Variants in CSMD3 observed in about 807,000 individuals in gnomAD.
The protein encoded by CSMD3 is CUB and sushi domain-containing protein 3.
CSMD3 carries 177 observed loss-of-function variants against 435.2 expected under a neutral mutation model. The observed-to-expected ratio is 0.41, with a 90% confidence interval of 0.36 to 0.46. The LOEUF is 0.46. Ranked by LOEUF, CSMD3 falls within the 20% of genes least tolerant of loss-of-function variation. The pLI is 0.34. For missense variants in CSMD3, 4,265 were observed against 4,504.6 expected (o/e 0.95, Z 1.52); for synonymous variants, 1,656 against 1,520.5 (o/e 1.09, Z -2.07).
intron 7 of CSMD3, among the ~76,000 whole-genome samples, chr8:112,968,284 T>C (rs2084501021): frequency 6.6e-6 from 1 of 151,878 alleles, no homozygotes; most frequent in Non-Finnish European, 1.5e-5. Context: ...ATACATTAAT[T>C]AATATATAAT....
At chr8:113,089,986 A>G (rs2089946868) in intron 5 of CSMD3, among the ~76,000 whole-genome samples, 1 of 152,130 alleles carries the variant, frequency 6.6e-6, no homozygotes, top group Non-Finnish European at 1.5e-5. Context: ...TGTTGAACAG[A>G]AAATGAGTGT....
At chr8:112,447,306 A>T (rs1480877087) in intron 32 of CSMD3, among the ~76,000 whole-genome samples, 1 of 152,194 alleles carries the variant, frequency 6.6e-6, no homozygotes, top group Non-Finnish European at 1.5e-5. Flanking sequence ...CAGAATAAAT[A>T]AAATGAAACT....
intron 3 of CSMD3, among the ~76,000 whole-genome samples, chr8:113,236,549 C>CT (rs907306533): frequency 9.9e-5 from 15 of 151,320 alleles, no homozygotes; most frequent in African/African-American, 2.2e-4. Context: ...ATGTAACACC[C>CT]TTTTTTTTTC....
At chr8:113,020,169 C>CAAAAAA (rs1163891165) in intron 5 of CSMD3, among the ~76,000 whole-genome samples, 6 of 84,630 alleles carry the variant, frequency 7.1e-5, no homozygotes, top group Non-Finnish European at 1.4e-4. Flanking sequence ...GACTCCGTCT[C>CAAAAAA]AAAAAAAAAA....
intron 16 of CSMD3, among the ~76,000 whole-genome samples, chr8:112,675,403 C>T (rs1295251837): frequency 6.6e-6 from 1 of 152,070 alleles, no homozygotes; most frequent in Non-Finnish European, 1.5e-5. Context: ...TGTATTACAT[C>T]TAATCATATT....
intron 2 of CSMD3, among the ~76,000 whole-genome samples, chr8:113,308,279 T>TC (rs2093838209): frequency 1.5e-5 from 2 of 129,644 alleles, no homozygotes; most frequent in Non-Finnish European, 3.2e-5. Flanking sequence ...TTTTTTTTTT[T>TC]TTTTTTTGAG....
At chr8:113,084,196 A>G (rs2089669909) in intron 5 of CSMD3, among the ~76,000 whole-genome samples, 1 of 152,156 alleles carries the variant, frequency 6.6e-6, no homozygotes, top group Non-Finnish European at 1.5e-5. Flanking sequence ...ATGATCTTAT[A>G]TCTAGAGAAA....
intron 14 of CSMD3, among the ~76,000 whole-genome samples, chr8:112,689,377 TTAA>T (rs1408187427): frequency 1.3e-5 from 2 of 151,708 alleles, no homozygotes; most frequent in Non-Finnish European, 1.5e-5. Context: ...TTGTATATCA[TTAA>T]TGTTAATGAA....
intron 11 of CSMD3, among the ~76,000 whole-genome samples, chr8:112,835,779 C>G (rs529019911): frequency 8.8e-4 from 134 of 151,860 alleles, no homozygotes; most frequent in Non-Finnish European, 1.6e-3. Context: ...TCTTGTTCAA[C>G]AGGTAAAAAT....
intron 5 of CSMD3, among the ~76,000 whole-genome samples, chr8:113,062,987 G>T (rs1359050483): frequency 6.6e-6 from 1 of 151,214 alleles, no homozygotes; most frequent in East Asian, 1.9e-4. Context: ...TTATAGTTTT[G>T]TTAAAGGCTA....
At chr8:112,244,984 T>C (rs912946167) in intron 64 of CSMD3, among the ~76,000 whole-genome samples, 2 of 151,860 alleles carry the variant, frequency 1.3e-5, no homozygotes, top group Non-Finnish European at 2.9e-5. Context: ...CTATATGAGT[T>C]TAGAAAATAT....
chr8:113,241,992 A>G (rs1187529220), intron 3 of CSMD3, among the ~76,000 whole-genome samples: 1 of 151,182 alleles, frequency 6.6e-6, no homozygotes, highest in Non-Finnish European at 1.5e-5. Context: ...TTTTATATCT[A>G]TATACATATA....
At chr8:113,089,370 AGC>A (rs2131500989) in intron 5 of CSMD3, among the ~76,000 whole-genome samples, 1 of 81,352 alleles carries the variant, frequency 1.2e-5, no homozygotes, top group East Asian at 1.6e-3. Context: ...ATTCTAAGGT[AGC>A]TATTTTTTTC....
chr8:112,350,491 A>G (rs1826037512), intron 40 of CSMD3, among the ~76,000 whole-genome samples: 1 of 152,094 alleles, frequency 6.6e-6, no homozygotes, highest in African/African-American at 2.4e-5. Flanking sequence ...TTTGATAACA[A>G]ATTCATTTAT....
At chr8:113,096,366 A>C (rs1443953237) in intron 5 of CSMD3, among the ~76,000 whole-genome samples, 3 of 152,146 alleles carry the variant, frequency 2.0e-5, no homozygotes, top group Non-Finnish European at 2.9e-5. Flanking sequence ...CTTTAGAGCT[A>C]TTCTTTTCTT....
At chr8:112,535,510 T>G (rs914628660) in intron 27 of CSMD3, among the ~76,000 whole-genome samples, 14 of 147,960 alleles carry the variant, frequency 9.5e-5, no homozygotes, top group Non-Finnish European at 1.5e-4. Flanking sequence ...CACTGCTCAA[T>G]GAAATAAAAG....
At chr8:113,251,091 T>C (rs1179149259) in intron 3 of CSMD3, among the ~76,000 whole-genome samples, 1 of 152,152 alleles carries the variant, frequency 6.6e-6, no homozygotes. Context: ...CAGTATCTAC[T>C]ATGTGCAAAA....
At chr8:113,082,736 A>C (rs2089614550) in intron 5 of CSMD3, among the ~76,000 whole-genome samples, 1 of 152,182 alleles carries the variant, frequency 6.6e-6, no homozygotes, top group South Asian at 2.1e-4. Flanking sequence ...TCTGAATGAG[A>C]AATTCAACAG....
chr8:112,513,461 G>C (rs1254469027), intron 28 of CSMD3, among the ~76,000 whole-genome samples: 1 of 152,182 alleles, frequency 6.6e-6, no homozygotes, highest in Non-Finnish European at 1.5e-5. Context: ...TATTGGTTAA[G>C]TTCACTGTCC....
Sources: gnomAD v4.1 joint callset for allele counts (sites outside exome capture counted in the v4.1 genomes callset) on GRCh38, gnomAD v4.1.1 for gene constraint, MANE v1.5 for transcripts, NCBI Gene and HGNC (gene_info 2026-07-23, HGNC 2026-07-21) for gene names.